Variants in OPRM1 observed in about 807,000 individuals in gnomAD.
The protein encoded by OPRM1 is opioid receptor mu 1.
OPRM1 carries 27 observed loss-of-function variants against 31.8 expected under a neutral mutation model. That is an observed-to-expected ratio of 0.85 (90% CI 0.63 to 1.17). The LOEUF (loss-of-function observed/expected upper bound fraction) is 1.17, where lower values mean the gene tolerates loss of function less well. Among genes scored for constraint, OPRM1 ranks in the 50% most tolerant of loss-of-function variants. The pLI, the probability that OPRM1 is intolerant of heterozygous loss-of-function variation, is 0.00. For missense variants in OPRM1, 536 were observed against 511.1 expected, an observed-to-expected ratio of 1.05 and a Z score of -0.47; for synonymous variants, 196 against 189.9, an observed-to-expected ratio of 1.03 and a Z score of -0.26.
intron 3 of OPRM1, among the ~76,000 whole-genome samples, chr6:154,194,582 A>T (rs577288412): frequency 6.6e-6 from 1 of 151,802 alleles, no homozygotes; most frequent in East Asian, 1.9e-4. Flanking sequence ...GTACCTCCAA[A>T]CTCTAGATTA....
intron 3 of OPRM1, among the ~76,000 whole-genome samples, chr6:154,144,591 A>C (rs954108156): frequency 5.9e-5 from 9 of 152,170 alleles, no homozygotes; most frequent in African/African-American, 2.2e-4. Flanking sequence ...TACTAAAAGT[A>C]CAAAAAATTA....
At chr6:154,200,231 G>C (rs1776951948) in intron 3 of OPRM1, among the ~76,000 whole-genome samples, 1 of 152,110 alleles carries the variant, frequency 6.6e-6, no homozygotes, top group African/African-American at 2.4e-5. Flanking sequence ...CTCCAAAACT[G>C]ATTTATGTAA....
intron 1 of OPRM1, among the ~76,000 whole-genome samples, chr6:154,070,919 T>C (rs1171840779): frequency 6.6e-6 from 1 of 152,226 alleles, no homozygotes; most frequent in Non-Finnish European, 1.5e-5. Flanking sequence ...AGAATGTTTC[T>C]ACCTTAAAAG....
chr6:154,221,980 T>C (rs1778903686), intron 3 of OPRM1, among the ~76,000 whole-genome samples: 1 of 152,256 alleles, frequency 6.6e-6, no homozygotes, highest in Non-Finnish European at 1.5e-5. Flanking sequence ...TTTAAAGTGA[T>C]AGAAATAACA....
rs943353468 is a variant in OPRM1, at chr6:154,118,580, T to C, written c.1165-103T>C. 5 of 1,043,150 alleles carry C rather than the reference T, an allele frequency of 4.8e-6. No individual in the cohort carries two copies. In the African/African-American group the frequency reaches 6.3e-5, roughly 13 times the overall value. The allele number at this position is 1,043,150 out of a possible 1,614,324, so 64.6% of individuals were successfully genotyped here. ...TGAGGCTTGCAGGTGAAAGTATACA[T>C]GAAGGTCTTCAATGCAGTTCTTACG... On this transcript the variant is annotated intron_variant, in intron 3 of 3. Transcript: ENST00000330432.
At chr6:154,011,108 C>T (rs1467722187) in intron 1 of OPRM1, 8 of 1,139,090 alleles carry the variant, frequency 7.0e-6, no homozygotes, top group Admixed American at 4.7e-5. Context: ...ACACTCATCT[C>T]TTAAATGCTA....
chr6:154,117,531 G>A (rs930063890), intron 3 of OPRM1, among the ~76,000 whole-genome samples: 7 of 152,142 alleles, frequency 4.6e-5, no homozygotes, highest in African/African-American at 9.7e-5. Flanking sequence ...ACAGTGGGTC[G>A]TATCACAGTT....
intron 3 of OPRM1, among the ~76,000 whole-genome samples, chr6:154,152,179 A>AG (rs1798517479): frequency 6.9e-6 from 1 of 145,738 alleles, no homozygotes; most frequent in Non-Finnish European, 1.5e-5. Flanking sequence ...ACAAAAAAAA[A>AG]AAAGAAAGAG....
chr6:154,226,771 C>T (rs1220353779), intron 3 of OPRM1, among the ~76,000 whole-genome samples: 2 of 152,122 alleles, frequency 1.3e-5, no homozygotes, highest in Non-Finnish European at 2.9e-5. Context: ...CAGCTGCCCT[C>T]GGGTCAAGTC....
intron 1 of OPRM1, among the ~76,000 whole-genome samples, chr6:154,058,753 G>A (rs1252470880): frequency 6.6e-6 from 1 of 151,868 alleles, no homozygotes; most frequent in Non-Finnish European, 1.5e-5. Context: ...CATCATCACT[G>A]ACTTTTACTG....
chr6:154,012,393 T>C (rs1341289536), intron 1 of OPRM1, among the ~76,000 whole-genome samples: 1 of 152,128 alleles, frequency 6.6e-6, no homozygotes, highest in Non-Finnish European at 1.5e-5. Context: ...TCCTTTAAGA[T>C]CTATTGGGCA....
intron 3 of OPRM1, among the ~76,000 whole-genome samples, chr6:154,229,093 A>G (rs1779497676): frequency 6.6e-6 from 1 of 152,170 alleles, no homozygotes; most frequent in Non-Finnish European, 1.5e-5. Context: ...CTCCAGCCCC[A>G]GGGGCGGCCC....
chr6:154,152,390 A>AAGAAAGAAAGAAAGAGAGAGAG (rs1360734115), intron 3 of OPRM1, among the ~76,000 whole-genome samples: 1 of 126,198 alleles, frequency 7.9e-6, no homozygotes, highest in Admixed American at 7.7e-5. Context: ...GAAAGAAAGA[A>AAGAAAGAAAGAAAGAGAGAGAG]AGAGAAATAG....
In OPRM1 at chr6:154,121,093, T is replaced by C. The variant is rs1023914839; in HGVS notation, c.*2372T>C. Among the ~76,000 whole-genome samples, 3 of 152,226 alleles carry C rather than the reference T, an allele frequency of 2.0e-5. No homozygotes were observed. Among genetic ancestry groups the C allele is most frequent in the Non-Finnish European group, 4.4e-5 (3 of 68,026 alleles). The stretch of plus-strand genomic sequence containing the variant: ...CAACTGGATGGGCTAAGGTTTCTGA[T>C]AAAATCTGAAGATAAAGAAAATGGA... On this transcript the variant is annotated 3_prime_UTR_variant, in exon 4 of 4. Coordinates refer to ENST00000330432, the MANE Select transcript of OPRM1 (RefSeq NM_000914.5).
In OPRM1 at chr6:154,091,182, A is replaced by G. The variant is rs201795838; in HGVS notation, c.874A>G (p.Ile292Val). 3.5e-5 allele frequency: 56 copies of G among 1,614,044 alleles called. No homozygotes were observed. The highest frequency in any genetic ancestry group is 4.4e-5 in the Non-Finnish European group (52 of 1,180,034). The change falls in exon 3 of 4, where the codon ATC becomes GTC. Residue 292 changes from isoleucine (I) to valine (V), a missense_variant. Transcript: ENST00000330432. ...GGTGCTGGTGGTGGTGGCTGTGTTC[A>G]TCGTCTGCTGGACTCCCATTCACAT... ...RMVLVVVAVF[I>V]VCWTPIHIYV...
chr6:154,077,496 T>C (rs991145625), intron 1 of OPRM1, among the ~76,000 whole-genome samples: 2 of 151,430 alleles, frequency 1.3e-5, no homozygotes, highest in Non-Finnish European at 2.9e-5. Flanking sequence ...TTTGGGAGGC[T>C]GAGGTGGGCG....
intron 1 of OPRM1, among the ~76,000 whole-genome samples, chr6:154,015,435 T>TGA (rs918293046): frequency 7.9e-5 from 12 of 152,216 alleles, no homozygotes; most frequent in African/African-American, 2.4e-4. Flanking sequence ...TAACTTGAAT[T>TGA]GAGATAATTT....
At chr6:154,139,246 G>A (rs1035787286) in intron 3 of OPRM1, among the ~76,000 whole-genome samples, 2 of 152,220 alleles carry the variant, frequency 1.3e-5, no homozygotes, top group African/African-American at 2.4e-5. Context: ...ACAAAGGCAG[G>A]CCTCCTGGAA....
upstream of OPRM1, chr6:154,039,067 T>C (rs1779504852): frequency 1.7e-5 from 23 of 1,387,726 alleles, 3 homozygotes; most frequent in Middle Eastern, 3.5e-3. Context: ...CGCTGGAAAA[T>C]TGAGTGATGT....
Sources: gnomAD v4.1 joint callset for allele counts (sites outside exome capture counted in the v4.1 genomes callset) on GRCh38, gnomAD v4.1.1 for gene constraint, MANE v1.5 for transcripts, NCBI Gene and HGNC (gene_info 2026-07-23, HGNC 2026-07-21) for gene names.